SMARCAL1: variants seen among roughly 807,000 people sequenced by gnomAD.
The protein encoded by SMARCAL1 is SNF2 related chromatin remodeling annealing helicase 1.
SMARCAL1 carries 58 observed loss-of-function variants against 94.5 expected under a neutral mutation model. That is an observed-to-expected ratio of 0.61 (90% CI 0.50 to 0.76). SMARCAL1 has a LOEUF of 0.76. Ranked by LOEUF, SMARCAL1 falls within the 30% of genes least tolerant of loss-of-function variation. The pLI is 0.00. For missense variants in SMARCAL1, 1,051 were observed against 1,177.9 expected, an observed-to-expected ratio of 0.89 and a Z score of 1.58; for synonymous variants, 422 against 455.1, an observed-to-expected ratio of 0.93 and a Z score of 0.93.
chr2:216,414,429 T>G (rs1276937193), intron 2 of SMARCAL1: 2 of 410,236 alleles, frequency 4.9e-6, no homozygotes, highest in African/African-American at 4.1e-5. Flanking sequence ...AGTGCTGGGA[T>G]TACACCCGAC....
chr2:216,482,670 A>G lies in SMARCAL1; in HGVS notation c.2626-68A>G. ...ATCTTTATATTCTCTCATCAGCCCT[A>G]GTGGAGGAGAGTCAGTGTTGGAGCC... On this transcript the variant is annotated intron_variant, in intron 17 of 17. Transcript: ENST00000357276. This position sits in a 1 kb window ranked among gnomAD's most constrained non-coding sequence, Gnocchi z 4.3. 6.3e-7 allele frequency: 1 copy of G among 1,597,036 alleles called. No individual in the cohort carries two copies. The highest frequency in any genetic ancestry group is 8.6e-7 in the Non-Finnish European group (1 of 1,164,838).
intron 12 of SMARCAL1, among the ~76,000 whole-genome samples, chr2:216,456,632 A>G (rs2106062302): frequency 6.6e-6 from 1 of 152,290 alleles, no homozygotes; most frequent in East Asian, 1.9e-4. Context: ...TCCTTTACAG[A>G]CAAGCAAATG....
chr2:216,472,661 G>C, intron 14 of SMARCAL1, among the ~76,000 whole-genome samples: 1 of 74,276 alleles, frequency 1.3e-5, no homozygotes, highest in East Asian at 6.7e-4. Context: ...ACTCCCAGTA[G>C]GAAAAAAAAA....
intron 14 of SMARCAL1, among the ~76,000 whole-genome samples, chr2:216,473,761 GAATA>G (rs1695013490): frequency 6.6e-6 from 1 of 152,076 alleles, no homozygotes. Flanking sequence ...TCACTAGCAA[GAATA>G]AATAAATGCC....
intron 10 of SMARCAL1, among the ~76,000 whole-genome samples, chr2:216,439,329 G>A (rs868837066): frequency 3.9e-5 from 6 of 152,080 alleles, no homozygotes; most frequent in Non-Finnish European, 8.8e-5. Context: ...CATTATGGGG[G>A]GGGGGGATGA....
intron 10 of SMARCAL1, among the ~76,000 whole-genome samples, chr2:216,438,810 G>A (rs1694134279): frequency 6.6e-6 from 1 of 152,178 alleles, no homozygotes; most frequent in Non-Finnish European, 1.5e-5. Context: ...AGATAAGAGA[G>A]AGCCTCTAGC....
At chr2:216,430,909 G>A (rs1490068113) in intron 7 of SMARCAL1, among the ~76,000 whole-genome samples, 1 of 152,216 alleles carries the variant, frequency 6.6e-6, no homozygotes, top group Non-Finnish European at 1.5e-5. Flanking sequence ...TGTGTTGTGG[G>A]TTGATCCCAG....
intron 8 of SMARCAL1, among the ~76,000 whole-genome samples, chr2:216,435,097 A>T (rs1260065219): frequency 6.6e-6 from 1 of 151,922 alleles, no homozygotes; most frequent in South Asian, 2.1e-4. Flanking sequence ...ATCTCAGGTG[A>T]TCCGCCCTCC....
chr2:216,416,702 G>C (rs148913191), intron 4 of SMARCAL1, among the ~76,000 whole-genome samples: 83 of 152,288 alleles, frequency 5.5e-4, no homozygotes, highest in African/African-American at 1.9e-3. Context: ...CAGACTACAC[G>C]TTCCCACCAG....
intron 6 of SMARCAL1, chr2:216,427,305 T>C (rs1179948980): frequency 3.3e-5 from 5 of 152,206 alleles, no homozygotes; most frequent in African/African-American, 1.2e-4. Context: ...ACTAGCAGCA[T>C]AGGATTTTGG....
At chr2:216,428,902 A>G in intron 7 of SMARCAL1, 120 bp downstream of exon 7, 1 of 932,132 alleles carries the variant, frequency 1.1e-6, no homozygotes, top group Non-Finnish European at 1.7e-6. Flanking sequence ...ATGAAAATTT[A>G]GAAGAGTCTA....
intron 14 of SMARCAL1, among the ~76,000 whole-genome samples, chr2:216,471,850 A>G (rs1192038102): frequency 6.6e-6 from 1 of 152,256 alleles, no homozygotes; most frequent in Non-Finnish European, 1.5e-5. Flanking sequence ...CTAAGTTTTT[A>G]TCAACAGATA....
rs570402380 is a variant in SMARCAL1, at chr2:216,481,156, T to C, written c.2626-1582T>C. Among the ~76,000 whole-genome samples the C allele has an allele frequency of 5.3e-5, 8 of 152,182 alleles. No individual in the cohort carries two copies. In the Middle Eastern group the frequency reaches 0.01, roughly 194 times the overall value. On this transcript the variant is annotated intron_variant, in intron 17 of 17. Transcript: ENST00000357276. ...GGGAAGAGAAGCTGCTTTGAGAATA[T>C]AGGAGATGAGAGATCATTTGATTTT...
intron 17 of SMARCAL1, among the ~76,000 whole-genome samples, chr2:216,480,984 G>A (rs1334861606): frequency 6.6e-6 from 1 of 152,148 alleles, no homozygotes; most frequent in Non-Finnish European, 1.5e-5. Context: ...ACCAAGTGAT[G>A]TGGCCCAAGT....
chr2:216,464,700 T>G, intron 13 of SMARCAL1, 33 bp downstream of exon 13: 4 of 1,299,982 alleles, frequency 3.1e-6, no homozygotes, highest in Non-Finnish European at 4.4e-6. Context: ...CCTCTCTCTC[T>G]CTCATCTTCA....
At chr2:216,444,701 G>T (rs1410181828) in intron 10 of SMARCAL1, among the ~76,000 whole-genome samples, 1 of 152,132 alleles carries the variant, frequency 6.6e-6, no homozygotes, top group East Asian at 1.9e-4. Flanking sequence ...ATTTTTAGTA[G>T]AGGCAGGGTT....
At chr2:216,423,864 G>T (rs758366022) in intron 6 of SMARCAL1, among the ~76,000 whole-genome samples, 181 bp downstream of exon 6, 1 of 152,172 alleles carries the variant, frequency 6.6e-6, no homozygotes, top group Admixed American at 6.5e-5. Flanking sequence ...GTGGCTTTAT[G>T]ACAGCCCAGA....
At chr2:216,458,109 A>G (rs1053585526) in intron 12 of SMARCAL1, among the ~76,000 whole-genome samples, 1 of 152,228 alleles carries the variant, frequency 6.6e-6, no homozygotes, top group Non-Finnish European at 1.5e-5. Context: ...TCCTTGACAC[A>G]TACACTCTCC....
intron 4 of SMARCAL1, among the ~76,000 whole-genome samples, chr2:216,416,780 C>T (rs780774676): frequency 1.3e-5 from 2 of 152,212 alleles, no homozygotes. Flanking sequence ...AGGAAGGTAA[C>T]AGTTCAGCAA....
Sources: allele counts gnomAD v4.1 joint callset (sites outside exome capture counted in the v4.1 genomes callset), GRCh38; gene constraint gnomAD v4.1.1; non-coding constraint Gnocchi (gnomAD v3.1); transcripts MANE v1.5; gene names NCBI Gene and HGNC (gene_info 2026-07-23, HGNC 2026-07-21).